LMLN: variants seen among roughly 807,000 people sequenced by gnomAD.
LMLN encodes leishmanolysin like peptidase.
In LMLN, 70 loss-of-function variants were observed where a neutral mutation model predicts 92.3. The ratio of observed to expected loss-of-function variants is 0.76; its 90% CI spans 0.63 to 0.92. The LOEUF (loss-of-function observed/expected upper bound fraction) is 0.92, where lower values mean the gene tolerates loss of function less well. Among genes scored for constraint, LMLN ranks in the 40% least tolerant of loss-of-function variants. The pLI is 0.00. For synonymous variants in LMLN, 308 were observed against 296.2 expected, an observed-to-expected ratio of 1.04 and a Z score of -0.41; for missense variants, 691 against 814.6, an observed-to-expected ratio of 0.85 and a Z score of 1.85.
intron 5 of LMLN, among the ~76,000 whole-genome samples, chr3:197,979,501 T>G (rs1188973671): frequency 4.6e-5 from 7 of 152,026 alleles, no homozygotes; most frequent in African/African-American, 1.7e-4. Context: ...GTCAATATAG[T>G]GAGACCCCGT....
chr3:198,032,408 C>G (rs1261154735), intron 14 of LMLN, among the ~76,000 whole-genome samples: 3 of 152,174 alleles, frequency 2.0e-5, no homozygotes, highest in African/African-American at 4.8e-5. Context: ...CAGAAAAACT[C>G]TGTTTTACCC....
At chr3:197,986,375 A>C (rs1329582505) in intron 8 of LMLN, among the ~76,000 whole-genome samples, 1 of 152,206 alleles carries the variant, frequency 6.6e-6, no homozygotes, top group East Asian at 1.9e-4. Flanking sequence ...CAGAAGGATC[A>C]ATTCAGCTCA....
intron 1 of LMLN, among the ~76,000 whole-genome samples, chr3:197,960,957 A>G (rs1720854917): frequency 6.6e-6 from 1 of 151,904 alleles, no homozygotes; most frequent in East Asian, 1.9e-4. Flanking sequence ...GTTTCTTTTC[A>G]CGTTATGTCG....
At chr3:197,995,846 A>G (rs1455995447) in intron 9 of LMLN, among the ~76,000 whole-genome samples, 1 of 152,196 alleles carries the variant, frequency 6.6e-6, no homozygotes, top group Non-Finnish European at 1.5e-5. Flanking sequence ...ATATATGGTT[A>G]TAACTTAAAT....
At chr3:198,028,332 G>A (rs1722991669) in intron 14 of LMLN, among the ~76,000 whole-genome samples, 1 of 152,104 alleles carries the variant, frequency 6.6e-6, no homozygotes, top group African/African-American at 2.4e-5. Flanking sequence ...ACATTCTGTG[G>A]GCTTTGACAC....
At chr3:198,015,275 C>G (rs1722597749) in intron 11 of LMLN, among the ~76,000 whole-genome samples, 1 of 98,966 alleles carries the variant, frequency 1.0e-5, no homozygotes, top group Non-Finnish European at 2.1e-5. Context: ...TGACTTCTCT[C>G]CACCCTTCAG....
At chr3:197,976,539 A>C in intron 4 of LMLN, 59 bp from the exon 5 acceptor site, 1 of 953,534 alleles carries the variant, frequency 1.0e-6, no homozygotes, top group Non-Finnish European at 1.6e-6. Flanking sequence ...CCATGTTTTT[A>C]ACTGCTATAA....
chr3:197,998,423 T>C (rs1722085387), intron 10 of LMLN, among the ~76,000 whole-genome samples: 1 of 152,204 alleles, frequency 6.6e-6, no homozygotes, highest in Non-Finnish European at 1.5e-5. Flanking sequence ...GTGTGGTTTT[T>C]TTTTCCTTAA....
intron 11 of LMLN, among the ~76,000 whole-genome samples, chr3:198,012,279 G>C (rs953492963): frequency 2.0e-4 from 30 of 152,138 alleles, no homozygotes; most frequent in African/African-American, 4.6e-4. Context: ...TGACCAGGCT[G>C]GTCTTGAACT....
rs1392227711 is a variant in LMLN, at chr3:198,031,914, C to T, written c.1657-3919C>T. ...GTCAAGAGTTTGAAAGCAGCCTGGC[C>T]AACATGATGAAACCCCTCATCTACT... On this transcript the variant is annotated intron_variant, in intron 14 of 15. Transcript: ENST00000330198. The surrounding 1 kb of genome is among the most constrained non-coding windows in gnomAD (Gnocchi z 4.8). Among the ~76,000 whole-genome samples, 2 of 151,972 alleles carry T rather than the reference C, an allele frequency of 1.3e-5. No individual in the cohort carries two copies. Among genetic ancestry groups the T allele is most frequent in the East Asian group, 3.9e-4 (2 of 5,190 alleles).
At chr3:198,006,342 C>A (rs1318328817) in intron 11 of LMLN, among the ~76,000 whole-genome samples, 1 of 152,106 alleles carries the variant, frequency 6.6e-6, no homozygotes, top group Non-Finnish European at 1.5e-5. Flanking sequence ...TGGATTGTTT[C>A]CAGTTTTGGG....
At chr3:198,037,989 C>T (rs1177253571) in intron 15 of LMLN, among the ~76,000 whole-genome samples, 2 of 151,634 alleles carry the variant, frequency 1.3e-5, no homozygotes, top group Admixed American at 6.6e-5. Context: ...AGTCCGTCTG[C>T]CTATTGTCGT....
chr3:197,977,763 TCAAA>T (rs1009300238), intron 5 of LMLN, among the ~76,000 whole-genome samples: 1 of 150,416 alleles, frequency 6.6e-6, no homozygotes, highest in African/African-American at 2.5e-5. Context: ...ATAAAAATCA[TCAAA>T]CAGTCTGGAA....
chr3:198,009,864 G>T (rs773856126), intron 11 of LMLN, among the ~76,000 whole-genome samples: 15 of 152,078 alleles, frequency 9.9e-5, no homozygotes, highest in Non-Finnish European at 2.1e-4. Context: ...TATTAATGGG[G>T]TAAATGAGAT....
At chr3:198,013,848 T>C (rs1229686603) in intron 11 of LMLN, among the ~76,000 whole-genome samples, 715 of 48,160 alleles carry the variant, frequency 0.015, no homozygotes, top group Middle Eastern at 0.071. Flanking sequence ...TCAGAGCCCC[T>C]TAACTAGTCT....
chr3:198,011,610 A>G (rs1461878661), intron 11 of LMLN, among the ~76,000 whole-genome samples: 57 of 151,428 alleles, frequency 3.8e-4, no homozygotes, highest in African/African-American at 1.4e-3. Context: ...TTATAGCAGC[A>G]TGATTTATAG....
chr3:197,999,446 T>C (rs1232669807), intron 11 of LMLN, 104 bp downstream of exon 11: 2 of 727,022 alleles, frequency 2.8e-6, no homozygotes, highest in Non-Finnish European at 2.4e-6. Context: ...AAGCAAAATA[T>C]ACTTATTAAT....
At chr3:197,985,591 A>G (rs1721683222) in intron 7 of LMLN, 4 of 374,262 alleles carry the variant, frequency 1.1e-5, no homozygotes, top group Non-Finnish European at 1.9e-5. Context: ...CTCGTTAGAA[A>G]TATTTACCTC....
intron 3 of LMLN, among the ~76,000 whole-genome samples, chr3:197,975,689 TCA>T (rs1418145194): frequency 6.6e-6 from 1 of 152,216 alleles, no homozygotes; most frequent in Non-Finnish European, 1.5e-5. Flanking sequence ...TTGAGATATA[TCA>T]CAGTTTTGTT....
Sources: allele counts gnomAD v4.1 joint callset (sites outside exome capture counted in the v4.1 genomes callset), GRCh38; gene constraint gnomAD v4.1.1; non-coding constraint Gnocchi (gnomAD v3.1); transcripts MANE v1.5; gene names NCBI Gene and HGNC (gene_info 2026-07-23, HGNC 2026-07-21).